Variants in DCAF17 observed in about 807,000 individuals in gnomAD.
The protein encoded by DCAF17 is DDB1 and CUL4 associated factor 17, also known as DDB1- and CUL4-associated factor 17.
A neutral mutation model predicts 66.0 loss-of-function variants in DCAF17; 48 were observed. The ratio of observed to expected loss-of-function variants is 0.73; its 90% CI spans 0.58 to 0.92. DCAF17 has a LOEUF of 0.92. Ranked by LOEUF, DCAF17 falls within the 40% of genes least tolerant of loss-of-function variation. The pLI is 0.00. For missense variants in DCAF17, 562 were observed against 622.8 expected, an observed-to-expected ratio of 0.90 and a Z score of 1.04; for synonymous variants, 206 against 214.6, an observed-to-expected ratio of 0.96 and a Z score of 0.35.
intron 2 of DCAF17, among the ~76,000 whole-genome samples, chr2:171,439,561 A>ATTTTTTTTTTTTTTTTTTTTTTTTTT (rs1553543151): frequency 1.2e-5 from 1 of 80,112 alleles, no homozygotes; most frequent in African/African-American, 5.0e-5. Flanking sequence ...TAATTTACCC[A>ATTTTTTTTTTTTTTTTTTTTTTTTTT]TCTTTTCTTG....
Position 171,460,543 on chromosome 2 carries a change from A to ATTATTATTATTATTATTATTATTT in DCAF17, c.838+2066_838+2067insTTATTATTATTATTATTATTATTT, listed in dbSNP as rs1179035573. Among the ~76,000 whole-genome samples, 228 of 136,602 alleles carry ATTATTATTATTATTATTATTATTT rather than the reference A, an allele frequency of 1.7e-3. 48 individuals are homozygous for ATTATTATTATTATTATTATTATTT. Among genetic ancestry groups the ATTATTATTATTATTATTATTATTT allele is most frequent in the South Asian group, 7.9e-3 (32 of 4,058 alleles). The allele number at this position is 136,602 out of a possible 152,430, so 89.6% of individuals were successfully genotyped here. The stretch of plus-strand genomic sequence containing the variant: ...TATTATTATTATTATTATTATTATT[A>ATTATTATTATTATTATTATTATTT]ATTTTGAGACAGGGTCTCACTCTGT... On this transcript the variant is annotated intron_variant, in intron 8 of 13. Coordinates refer to ENST00000375255, the MANE Select transcript of DCAF17 (RefSeq NM_025000.4).
chr2:171,447,816 A>G (rs1694721833), intron 3 of DCAF17, among the ~76,000 whole-genome samples: 1 of 152,262 alleles, frequency 6.6e-6, no homozygotes, highest in Non-Finnish European at 1.5e-5. Context: ...TACAAATTAA[A>G]GAAGAAAACT....
chr2:171,477,019 T>C, intron 11 of DCAF17, 69 bp downstream of exon 11: 1 of 1,213,644 alleles, frequency 8.2e-7, no homozygotes, highest in East Asian at 2.4e-5. Flanking sequence ...AATATGCTAA[T>C]ATATTTGCCT....
At chr2:171,463,552 A>T (rs532120598) in intron 8 of DCAF17, among the ~76,000 whole-genome samples, 15 of 152,198 alleles carry the variant, frequency 9.9e-5, no homozygotes, top group Non-Finnish European at 1.8e-4. Flanking sequence ...TACCTATGTG[A>T]CAAAGTGGTT....
chr2:171,449,246 G>A (rs1028238785), intron 4 of DCAF17, among the ~76,000 whole-genome samples: 1 of 152,158 alleles, frequency 6.6e-6, no homozygotes, highest in Admixed American at 6.6e-5. Context: ...GACCTCAAGT[G>A]ATCTGCCCAC....
intron 8 of DCAF17, among the ~76,000 whole-genome samples, chr2:171,461,120 T>C (rs1436414730): frequency 3.3e-5 from 5 of 152,160 alleles, no homozygotes; most frequent in African/African-American, 9.7e-5. Context: ...TTTTTCTTAG[T>C]GCAAAAGCAG....
At chr2:171,448,207 C>G (rs981817082) in intron 3 of DCAF17, among the ~76,000 whole-genome samples, 1 of 152,136 alleles carries the variant, frequency 6.6e-6, no homozygotes, top group African/African-American at 2.4e-5. Flanking sequence ...TCATCACTCA[C>G]TGCAGCCTTG....
intron 10 of DCAF17, among the ~76,000 whole-genome samples, chr2:171,475,579 A>G (rs1337898151): frequency 6.6e-6 from 1 of 152,192 alleles, no homozygotes; most frequent in African/African-American, 2.4e-5. Context: ...AGCCTGGGCA[A>G]CATAGTGAGA....
intron 2 of DCAF17, 188 bp from the exon 3 acceptor site, chr2:171,443,335 T>C (rs192321411): frequency 1.4e-4 from 70 of 507,894 alleles, no homozygotes; most frequent in African/African-American, 1.4e-3. Flanking sequence ...TATTGTAAAC[T>C]ATTTTAATCT....
intron 11 of DCAF17, 54 bp downstream of exon 11, chr2:171,477,004 A>T: frequency 1.5e-6 from 2 of 1,297,728 alleles, no homozygotes; most frequent in East Asian, 4.7e-5. Context: ...TCTATATAAG[A>T]CTATAATATG....
intron 13 of DCAF17, 99 bp from the exon 14 acceptor site, chr2:171,480,875 T>C (rs1696712029): frequency 7.1e-7 from 1 of 1,413,402 alleles, no homozygotes; most frequent in Admixed American, 1.7e-5. Flanking sequence ...TCTAAGTGTA[T>C]GTTTGAAGAT....
intron 5 of DCAF17, chr2:171,450,197 A>G (rs557567549): frequency 8.1e-5 from 35 of 430,956 alleles, no homozygotes; most frequent in South Asian, 5.8e-4. Context: ...ATGCAAAGGC[A>G]TAAGAATGAT....
chr2:171,483,545 C>T lies in DCAF17; in HGVS notation c.*2431C>T, dbSNP rs760686279. 2.2e-6 allele frequency: 1 copy of T among 454,110 alleles called. No individual in the cohort carries two copies. The highest frequency in any genetic ancestry group is 1.6e-5 in the South Asian group (1 of 64,474). The allele number at this position is 454,110 out of a possible 1,614,324, so 28.1% of individuals were successfully genotyped here. A position where few individuals can be genotyped will look rare whatever the true frequency, so the allele number is the denominator to read the frequency against. On this transcript the variant is annotated 3_prime_UTR_variant, in exon 14 of 14. Coordinates refer to ENST00000375255, the MANE Select transcript of DCAF17 (RefSeq NM_025000.4). ...TGGGAGAAAACAAAACAAATCCTAT[C>T]CTATTTACTATTTGTGCTACCTAGT...
At position 171,481,229 on chromosome 2, in the gene DCAF17, G is replaced by A. The variant is rs1042844114; in HGVS notation, c.*115G>A. On this transcript the variant is annotated 3_prime_UTR_variant, in exon 14 of 14. Transcript: ENST00000375255. ...CTCCAGTATTTTCCAAAAAAGTCTT[G>A]TGTTGACTTCAGATGACTATGACTT... is the stretch of plus-strand genomic sequence containing the variant. 1.5e-6 allele frequency: 2 copies of A among 1,319,954 alleles called. No individual in the cohort carries two copies. Among genetic ancestry groups the A allele is most frequent in the Admixed American group, 1.7e-5 (1 of 57,650 alleles). 81.8% of individuals were successfully genotyped at this position (1,319,954 alleles called of 1,614,324 possible).
rs1695048212 is a variant in DCAF17 at position 171,453,113 on chromosome 2, T to G, written c.538-11T>G. ...TTGAGAGCTGCGTGTAATTGTAGTC[T>G]TTCCTTCTAGGCAGGCATTCAACAA... On this transcript the variant is annotated splice_polypyrimidine_tract_variant and intron_variant, in intron 5 of 13. Coordinates refer to ENST00000375255, the MANE Select transcript of DCAF17 (RefSeq NM_025000.4). The G allele has an allele frequency of 6.3e-7, 1 of 1,592,894 alleles. No homozygotes were observed. Among genetic ancestry groups the G allele is most frequent in the South Asian group, 1.2e-5 (1 of 86,530 alleles).
chr2:171,449,840 T>C (rs757286307), intron 4 of DCAF17, 39 bp from the exon 5 acceptor site: 1 of 1,527,270 alleles, frequency 6.5e-7, no homozygotes, highest in Non-Finnish European at 9.0e-7. Context: ...ATAAGGAAAC[T>C]GACCCAAATA....
At chr2:171,434,858 A>G in intron 1 of DCAF17, 155 bp downstream of exon 1, 1 of 1,179,442 alleles carries the variant, frequency 8.5e-7, no homozygotes, top group Non-Finnish European at 1.2e-6. Context: ...GATAGGTGGT[A>G]ATAGGGCCAC....
chr2:171,455,928 A>G (rs1032763844), intron 6 of DCAF17, among the ~76,000 whole-genome samples: 3 of 152,034 alleles, frequency 2.0e-5, no homozygotes, highest in Admixed American at 2.0e-4. Context: ...TGTCAGAGGT[A>G]TGGATTGCAA....
chr2:171,461,143 A>G (rs1335172124), intron 8 of DCAF17, among the ~76,000 whole-genome samples: 5 of 152,144 alleles, frequency 3.3e-5, no homozygotes, highest in Non-Finnish European at 5.9e-5. Context: ...CCTTTGCATT[A>G]TTTAAAAAAT....
Sources: gnomAD v4.1 joint callset for allele counts (sites outside exome capture counted in the v4.1 genomes callset) on GRCh38, gnomAD v4.1.1 for gene constraint, MANE v1.5 for transcripts, NCBI Gene and HGNC (gene_info 2026-07-23, HGNC 2026-07-21) for gene names.